TRHDE: variants seen among roughly 807,000 people sequenced by gnomAD.
TRHDE encodes the protein thyrotropin releasing hormone degrading enzyme, also known as thyrotropin-releasing hormone-degrading ectoenzyme.
A neutral mutation model predicts 125.7 loss-of-function variants in TRHDE; 72 were observed. The ratio of observed to expected loss-of-function variants is 0.57; its 90% CI spans 0.47 to 0.70. TRHDE has a LOEUF of 0.70. Among genes scored for constraint, TRHDE ranks in the 30% least tolerant of loss-of-function variants. The pLI is 0.00. For missense variants in TRHDE, 1,110 were observed against 1,327.1 expected (o/e 0.84, Z 2.54); for synonymous variants, 509 against 509.1 (o/e 1.00, Z 0.00).
chr12:72,199,600 C>T (rs757282348), intron 2 of TRHDE, among the ~76,000 whole-genome samples: 3 of 152,144 alleles, frequency 2.0e-5, no homozygotes, highest in Non-Finnish European at 4.4e-5. Flanking sequence ...TGTGCCCTAA[C>T]ACTCCTACAA....
intron 9 of TRHDE, among the ~76,000 whole-genome samples, chr12:72,568,256 C>T (rs1870543504): frequency 6.6e-6 from 1 of 151,978 alleles, no homozygotes; most frequent in African/African-American, 2.4e-5. Context: ...CAATATGGCT[C>T]AGGTGTATAG....
chr12:72,140,582 C>A (rs1291480405), intron 2 of TRHDE: 1 of 152,158 alleles, frequency 6.6e-6, no homozygotes, highest in Non-Finnish European at 1.5e-5. Context: ...TAAATCTCTT[C>A]AAATATTTTA....
intron 2 of TRHDE, among the ~76,000 whole-genome samples, chr12:72,250,324 G>T (rs1468902708): frequency 3.3e-5 from 5 of 152,120 alleles, no homozygotes; most frequent in Admixed American, 2.0e-4. Flanking sequence ...GGAGATGAGA[G>T]AGGTCATTAA....
intron 2 of TRHDE, among the ~76,000 whole-genome samples, chr12:72,338,271 G>A (rs980003732): frequency 4.6e-5 from 7 of 152,174 alleles, no homozygotes; most frequent in African/African-American, 1.7e-4. Flanking sequence ...ACTAAGGACG[G>A]TAGTGATGAT....
chr12:72,344,078 C>A (rs1870205920), intron 2 of TRHDE, among the ~76,000 whole-genome samples: 1 of 151,916 alleles, frequency 6.6e-6, no homozygotes, highest in Admixed American at 6.6e-5. Flanking sequence ...TGAGCTACAT[C>A]TTTATTAATA....
chr12:72,119,782 T>C (rs995177339), intron 2 of TRHDE, among the ~76,000 whole-genome samples: 1 of 152,222 alleles, frequency 6.6e-6, no homozygotes, highest in Non-Finnish European at 1.5e-5. Context: ...AATCATTATA[T>C]AATAAGCTTG....
chr12:72,479,676 T>G (rs1018282804), intron 5 of TRHDE, among the ~76,000 whole-genome samples: 4 of 151,370 alleles, frequency 2.6e-5, no homozygotes, highest in African/African-American at 9.7e-5. Flanking sequence ...TTTATTATTA[T>G]TATACTTTAA....
At chr12:72,302,326 G>A (rs4237863) in intron 2 of TRHDE, among the ~76,000 whole-genome samples, 127,507 of 151,862 alleles carry the variant, frequency 0.84, 53,717 homozygotes, top group East Asian at 0.93. Flanking sequence ...GTGATTAAAG[G>A]TGGGGTGGAG....
At chr12:72,096,889 G>T (rs1874936209) in intron 1 of TRHDE, among the ~76,000 whole-genome samples, 1 of 152,148 alleles carries the variant, frequency 6.6e-6, no homozygotes, top group Non-Finnish European at 1.5e-5. Flanking sequence ...ATTAGCATTG[G>T]CAAAATACAG....
At chr12:72,526,866 T>C (rs946552570) in intron 6 of TRHDE, among the ~76,000 whole-genome samples, 2 of 152,274 alleles carry the variant, frequency 1.3e-5, no homozygotes, top group East Asian at 1.9e-4. Flanking sequence ...AAGATACATA[T>C]ATTAAGAGTA....
chr12:72,391,477 G>T (rs1872608134), intron 3 of TRHDE, among the ~76,000 whole-genome samples: 2 of 152,080 alleles, frequency 1.3e-5, no homozygotes, highest in South Asian at 4.2e-4. Context: ...TTGTAACTTA[G>T]ATTTATTCTT....
chr12:72,148,735 C>T (rs1592458749), intron 2 of TRHDE, among the ~76,000 whole-genome samples: 1 of 152,186 alleles, frequency 6.6e-6, no homozygotes, highest in Non-Finnish European at 1.5e-5. Flanking sequence ...TCTTGGTCTT[C>T]CAAGCACGTT....
chr12:72,652,992 T>A lies in TRHDE; in HGVS notation c.2844-24T>A, dbSNP rs2136110530. ...ATGTTTAAGTTATTGGACTAAAAAT[T>A]TTTACAAAATTCTATCTTTGAAGGC... On this transcript the variant is annotated intron_variant, in intron 16 of 18. Transcript: ENST00000261180. 1.9e-6 allele frequency: 3 copies of A among 1,580,284 alleles called. No individual in the cohort carries two copies. The East Asian group carries it at 6.8e-5, about 36-fold the overall frequency.
At chr12:72,161,101 C>T (rs189161955) in intron 2 of TRHDE, among the ~76,000 whole-genome samples, 30 of 152,126 alleles carry the variant, frequency 2.0e-4, no homozygotes, top group Non-Finnish European at 3.1e-4. Flanking sequence ...TGCTGATAGA[C>T]TTTGCCACTA....
chr12:72,416,802 G>A (rs1873749826), intron 3 of TRHDE, among the ~76,000 whole-genome samples: 1 of 152,038 alleles, frequency 6.6e-6, no homozygotes, highest in South Asian at 2.1e-4. Context: ...TTTGAAGTTA[G>A]GTAATGTGAT....
chr12:72,246,521 CT>C (rs2139384124), intron 2 of TRHDE, among the ~76,000 whole-genome samples: 1 of 152,104 alleles, frequency 6.6e-6, no homozygotes, highest in African/African-American at 2.4e-5. Context: ...CTATTTTTGT[CT>C]TTATCTTTCT....
chr12:72,104,078 G>A (rs1382926944), intron 1 of TRHDE, among the ~76,000 whole-genome samples: 2 of 152,170 alleles, frequency 1.3e-5, no homozygotes, highest in Non-Finnish European at 2.9e-5. Context: ...GCAGATACTA[G>A]CAGATGGAAG....
intron 2 of TRHDE, 148 bp downstream of exon 2, chr12:72,287,102 T>C: frequency 1.1e-6 from 1 of 903,060 alleles, no homozygotes; most frequent in South Asian, 1.8e-5. Flanking sequence ...GGTTTTTACA[T>C]ATTTTACTAG....
chr12:72,125,151 G>A (rs1194642964), intron 2 of TRHDE, among the ~76,000 whole-genome samples: 1 of 151,492 alleles, frequency 6.6e-6, no homozygotes, highest in Non-Finnish European at 1.5e-5. Context: ...TTTTTTTTAA[G>A]CATTGGTACT....
Sources: gnomAD v4.1 joint callset for allele counts (sites outside exome capture counted in the v4.1 genomes callset) on GRCh38, gnomAD v4.1.1 for gene constraint, MANE v1.5 for transcripts, NCBI Gene and HGNC (gene_info 2026-07-23, HGNC 2026-07-21) for gene names.